The following CHRM3 variants were observed in gnomAD, a reference collection of about 807,000 sequenced individuals.
The protein encoded by CHRM3 is cholinergic receptor muscarinic 3, also known as muscarinic acetylcholine receptor M3.
CHRM3 carries 11 observed loss-of-function variants against 41.8 expected under a neutral mutation model. That is an observed-to-expected ratio of 0.26 (90% CI 0.17 to 0.44). The LOEUF (loss-of-function observed/expected upper bound fraction) is 0.44, where lower values mean the gene tolerates loss of function less well. Ranked by LOEUF, CHRM3 falls within the 20% of genes least tolerant of loss-of-function variation. The pLI, the probability that CHRM3 is intolerant of heterozygous loss-of-function variation, is 1.00. For synonymous variants in CHRM3, 297 were observed against 301.4 expected (o/e 0.99, Z 0.15); for missense variants, 571 against 745.4 (o/e 0.77, Z 2.72).
At chr1:239,707,961 T>C (rs1661353322) in intron 5 of CHRM3, among the ~76,000 whole-genome samples, 2 of 152,228 alleles carry the variant, frequency 1.3e-5, no homozygotes, top group Admixed American at 1.3e-4. Flanking sequence ...AACTCTTTCT[T>C]CAATCTGTCT....
Position 239,908,147 on chromosome 1 carries a change from T to G in CHRM3, c.696T>G (p.Thr232=). 1 of 1,614,164 alleles carries G rather than the reference T, an allele frequency of 6.2e-7. No homozygotes were observed. The highest frequency in any genetic ancestry group is 8.5e-7 in the Non-Finnish European group (1 of 1,180,024). The change falls in exon 7 of 7, where the codon ACT becomes ACG. Residue 232 remains threonine, a synonymous_variant. Coordinates refer to ENST00000676153, the MANE Select transcript of CHRM3 (RefSeq NM_001375978.1). The surrounding 1 kb of genome is among the most constrained non-coding windows in gnomAD (Gnocchi z 7.2). ...FIQFLSEPTI[T]FGTAIAAFYM... ...AGTTCCTCAGTGAGCCCACCATTAC[T>G]TTTGGCACAGCCATCGCTGCTTTTT...
At chr1:239,501,822 T>C (rs557589373) in intron 2 of CHRM3, among the ~76,000 whole-genome samples, 67 of 152,028 alleles carry the variant, frequency 4.4e-4, no homozygotes, top group Non-Finnish European at 8.4e-4. Context: ...GCTGCTGCAC[T>C]CCAGCCTGGG....
chr1:239,468,175 C>T (rs992140252), intron 1 of CHRM3, among the ~76,000 whole-genome samples: 2 of 152,172 alleles, frequency 1.3e-5, no homozygotes, highest in African/African-American at 4.8e-5. Context: ...CATTTTGGGT[C>T]AGTCATTGAG....
chr1:239,596,704 A>AGACC (rs1179569472), intron 3 of CHRM3, among the ~76,000 whole-genome samples: 1 of 152,170 alleles, frequency 6.6e-6, no homozygotes, highest in Non-Finnish European at 1.5e-5. Flanking sequence ...AGCAATGTAT[A>AGACC]TTTCAGTGTC....
Position 239,644,177 on chromosome 1 carries a change from C to T in CHRM3, c.-250+11891C>T, listed in dbSNP as rs536395155. Among the ~76,000 whole-genome samples the T allele has an allele frequency of 4.1e-4, 63 of 152,252 alleles. 1 individual carries two copies. The Middle Eastern group carries it at 0.01, about 25-fold the overall frequency. On this transcript the variant is annotated intron_variant, in intron 4 of 6. Transcript: ENST00000676153. ...AGAAGGCATAAATGTTTTTACAGCC[C>T]TCACCCTGCACATAGCTTGAAATCA...
chr1:239,469,986 G>A (rs987752304), intron 1 of CHRM3, among the ~76,000 whole-genome samples: 8 of 152,044 alleles, frequency 5.3e-5, no homozygotes, highest in African/African-American at 1.7e-4. Flanking sequence ...TTTGTGTCAC[G>A]TTCACATCCT....
chr1:239,533,715 G>A (rs1376260946), intron 2 of CHRM3, among the ~76,000 whole-genome samples: 1 of 113,030 alleles, frequency 8.8e-6, no homozygotes, highest in Non-Finnish European at 1.7e-5. Flanking sequence ...TGGGCAACAA[G>A]AGCCAAACTC....
chr1:239,893,367 T>C (rs1397407303), intron 6 of CHRM3, among the ~76,000 whole-genome samples: 2 of 152,134 alleles, frequency 1.3e-5, no homozygotes, highest in African/African-American at 4.8e-5. Flanking sequence ...GCTTAGGTAT[T>C]GTTTTAAAAT....
At chr1:239,742,493 T>C (rs1572153095) in intron 5 of CHRM3, among the ~76,000 whole-genome samples, 2 of 152,054 alleles carry the variant, frequency 1.3e-5, no homozygotes, top group East Asian at 3.9e-4. Flanking sequence ...AGCAAAACAG[T>C]TGGGTTTCTT....
intron 3 of CHRM3, among the ~76,000 whole-genome samples, chr1:239,632,017 G>A (rs1226836224): frequency 1.3e-5 from 2 of 152,160 alleles, no homozygotes; most frequent in Non-Finnish European, 2.9e-5. Flanking sequence ...CCAGTGACGG[G>A]TACCTTAACT....
intron 3 of CHRM3, among the ~76,000 whole-genome samples, chr1:239,617,357 T>A (rs1486903965): frequency 3.9e-5 from 6 of 152,168 alleles, no homozygotes; most frequent in Admixed American, 3.3e-4. Flanking sequence ...ATTTGCCTAC[T>A]CTAAACCCTA....
intron 1 of CHRM3, among the ~76,000 whole-genome samples, chr1:239,439,532 G>A (rs547293643): frequency 1.3e-5 from 2 of 152,266 alleles, no homozygotes; most frequent in African/African-American, 4.8e-5. Flanking sequence ...AATTGAAATA[G>A]GGTCAAAGAA....
chr1:239,491,963 G>C (rs1003879317), intron 1 of CHRM3, among the ~76,000 whole-genome samples: 1 of 152,162 alleles, frequency 6.6e-6, no homozygotes, highest in African/African-American at 2.4e-5. Context: ...CTGTGGGCCA[G>C]ACACTAATCC....
At chr1:239,672,632 A>ACACAC (rs1421473771) in intron 4 of CHRM3, among the ~76,000 whole-genome samples, 1 of 151,928 alleles carries the variant, frequency 6.6e-6, no homozygotes, top group Non-Finnish European at 1.5e-5. Context: ...ACACACACAG[A>ACACAC]AAGGGGTAGG....
chr1:239,525,700 A>G (rs1669948572), intron 2 of CHRM3, among the ~76,000 whole-genome samples: 2 of 152,214 alleles, frequency 1.3e-5, no homozygotes, highest in Admixed American at 1.3e-4. Flanking sequence ...TTTAATGCTT[A>G]AAAATAGATT....
chr1:239,531,455 A>G (rs192427222), intron 2 of CHRM3, among the ~76,000 whole-genome samples: 146 of 152,220 alleles, frequency 9.6e-4, no homozygotes, highest in Admixed American at 1.2e-3. Context: ...GTATTTCGGC[A>G]TTAAGCATAA....
At chr1:239,614,568 G>A (rs898881521) in intron 3 of CHRM3, among the ~76,000 whole-genome samples, 1 of 152,174 alleles carries the variant, frequency 6.6e-6, no homozygotes, top group African/African-American at 2.4e-5. Flanking sequence ...GATAATGGTT[G>A]TCAGGTCTTT....
At chr1:239,849,614 A>G (rs1008726302) in intron 6 of CHRM3, among the ~76,000 whole-genome samples, 3 of 152,208 alleles carry the variant, frequency 2.0e-5, no homozygotes, top group East Asian at 1.9e-4. Flanking sequence ...CACTTTTCTC[A>G]TAGTCTAAGC....
chr1:239,652,729 A>G (rs1404537987), intron 4 of CHRM3, among the ~76,000 whole-genome samples: 1 of 151,922 alleles, frequency 6.6e-6, no homozygotes, highest in African/African-American at 2.4e-5. Flanking sequence ...TGTTACTTCT[A>G]CTTATATTAC....
Sources: allele counts gnomAD v4.1 joint callset (sites outside exome capture counted in the v4.1 genomes callset), GRCh38; gene constraint gnomAD v4.1.1; non-coding constraint Gnocchi (gnomAD v3.1); transcripts MANE v1.5; gene names NCBI Gene and HGNC (gene_info 2026-07-23, HGNC 2026-07-21).